PDE4D: variants seen among roughly 807,000 people sequenced by gnomAD.
PDE4D encodes phosphodiesterase 4D, also known as 3',5'-cyclic-AMP phosphodiesterase 4D.
Under a neutral mutation model 87.4 loss-of-function variants are expected in PDE4D, and 24 were observed. The observed-to-expected ratio is 0.27, with a 90% CI of 0.20 to 0.39. The LOEUF (loss-of-function observed/expected upper bound fraction) is 0.39, where lower values mean the gene tolerates loss of function less well. PDE4D is among the 10% of genes least tolerant of loss of function. PDE4D has a pLI of 1.00. For missense variants in PDE4D, 714 were observed against 1,041.0 expected, an observed-to-expected ratio of 0.69 and a Z score of 4.32; for synonymous variants, 384 against 383.2, an observed-to-expected ratio of 1.00 and a Z score of -0.02.
chr5:59,653,887 G>A (rs1743929415), intron 1 of PDE4D, among the ~76,000 whole-genome samples: 1 of 148,470 alleles, frequency 6.7e-6, no homozygotes, highest in Admixed American at 6.7e-5. Context: ...GAAGGGGAGA[G>A]GAGAAGGGTG....
rs1472636001 is a variant in PDE4D at position 59,396,755 on chromosome 5, A to G, written c.456-180787T>C. Among the ~76,000 whole-genome samples the G allele has an allele frequency of 1.7e-5, 2 of 118,804 alleles. 1 individual carries two copies. The highest frequency in any genetic ancestry group is 6.9e-5 in the African/African-American group (2 of 29,146). The allele number at this position is 118,804 out of a possible 152,430, so 77.9% of individuals were successfully genotyped here. A position where few individuals can be genotyped will look rare whatever the true frequency, so the allele number is the denominator to read the frequency against. ...CACTATTAACTTTAAATGTAAATGG[A>G]CTAAATGCTCCAATTAAAAGACACA... On this transcript the variant is annotated intron_variant, in intron 1 of 14. Transcript: ENST00000340635.
At chr5:59,142,889 C>T (rs1328250067) in intron 5 of PDE4D, among the ~76,000 whole-genome samples, 1 of 152,100 alleles carries the variant, frequency 6.6e-6, no homozygotes, top group Non-Finnish European at 1.5e-5. Context: ...TGCACTCCAG[C>T]CTGGGTGACA....
At chr5:59,079,293 G>T (rs1766251071) in intron 5 of PDE4D, among the ~76,000 whole-genome samples, 1 of 151,982 alleles carries the variant, frequency 6.6e-6, no homozygotes, top group Non-Finnish European at 1.5e-5. Context: ...GACATTAAGA[G>T]AAAAATCTCA....
intron 1 of PDE4D, among the ~76,000 whole-genome samples, chr5:59,829,798 T>A (rs1740906088): frequency 6.6e-6 from 1 of 152,044 alleles, no homozygotes; most frequent in Non-Finnish European, 1.5e-5. Flanking sequence ...TATTTGCATT[T>A]CCCATATTAC....
chr5:59,642,250 C>CTA (rs575739385), intron 1 of PDE4D, among the ~76,000 whole-genome samples: 2 of 151,626 alleles, frequency 1.3e-5, no homozygotes, highest in African/African-American at 2.4e-5. Context: ...TCACTTTTTA[C>CTA]TATATATATA....
chr5:59,342,261 A>G (rs1435410301), intron 1 of PDE4D, among the ~76,000 whole-genome samples: 1 of 152,118 alleles, frequency 6.6e-6, no homozygotes, highest in Admixed American at 6.5e-5. Flanking sequence ...ATAACCTCTC[A>G]TTTTATTTTC....
At position 58,976,591 on chromosome 5, in the gene PDE4D, G is replaced by GA; in HGVS notation, c.1708-120dup. On this transcript the variant is annotated intron_variant, in intron 12 of 14. Coordinates refer to ENST00000340635, the MANE Select transcript of PDE4D (RefSeq NM_001104631.2). ...AACACTATGCCTTTTAATGACAGTG[G>GA]AAAATCCTTACTACTCCTTGGGGGC... 3 of 804,792 alleles carry GA rather than the reference G, an allele frequency of 3.7e-6. No homozygotes were observed. In the South Asian group the frequency reaches 6.1e-5, roughly 16 times the overall value. The allele number at this position is 804,792 out of a possible 1,614,324, so 49.9% of individuals were successfully genotyped here. A position where few individuals can be genotyped will look rare whatever the true frequency, so the allele number is the denominator to read the frequency against.
intron 1 of PDE4D, among the ~76,000 whole-genome samples, chr5:59,688,154 G>A (rs1346868265): frequency 6.6e-6 from 1 of 152,178 alleles, no homozygotes; most frequent in East Asian, 1.9e-4. Flanking sequence ...ACATCGGATA[G>A]ATCAACGAGA....
intron 2 of PDE4D, among the ~76,000 whole-genome samples, chr5:60,095,710 A>G (rs760770137): frequency 3.9e-5 from 6 of 152,194 alleles, no homozygotes; most frequent in Non-Finnish European, 8.8e-5. Flanking sequence ...TCCCACCAAC[A>G]GTGTAAAAGC....
Position 59,617,425 on chromosome 5 carries a change from C to T in PDE4D, c.455+275743G>A, listed in dbSNP as rs138063862. On this transcript the variant is annotated intron_variant, in intron 1 of 14. Coordinates refer to ENST00000340635, the MANE Select transcript of PDE4D (RefSeq NM_001104631.2). The stretch of plus-strand genomic sequence containing the variant: ...TAAACCCAAGTCCAACACTTTATTG[C>T]GTCTCCCCCAGAAATCATGTGTTGA... 2.4e-3 allele frequency among the ~76,000 whole-genome samples: 367 copies of T among 152,264 alleles called. 1 individual carries two copies. Among genetic ancestry groups the T allele is most frequent in the African/African-American group, 8.6e-3 (359 of 41,554 alleles).
chr5:59,365,059 G>A (rs1314185168), intron 1 of PDE4D, among the ~76,000 whole-genome samples: 1 of 152,118 alleles, frequency 6.6e-6, no homozygotes, highest in Non-Finnish European at 1.5e-5. Context: ...ATTTGACTGG[G>A]CTTAGGTTTA....
intron 1 of PDE4D, among the ~76,000 whole-genome samples, chr5:60,309,300 C>T (rs968727608): frequency 6.6e-6 from 1 of 152,026 alleles, no homozygotes; most frequent in Non-Finnish European, 1.5e-5. Flanking sequence ...AATTCTGTTT[C>T]CTACAACTTC....
intron 3 of PDE4D, among the ~76,000 whole-genome samples, chr5:59,982,952 A>G (rs1762075104): frequency 6.6e-6 from 1 of 152,246 alleles, no homozygotes; most frequent in Admixed American, 6.5e-5. Flanking sequence ...CAATATGTGA[A>G]AAATGGGGAT....
intron 1 of PDE4D, among the ~76,000 whole-genome samples, chr5:59,366,030 CT>C (rs934292492): frequency 3.3e-5 from 5 of 152,208 alleles, no homozygotes; most frequent in East Asian, 1.9e-4. Flanking sequence ...CAAAAAGAGG[CT>C]TTTTCCCCCC....
At chr5:59,298,651 G>A (rs1769576245) in intron 1 of PDE4D, among the ~76,000 whole-genome samples, 1 of 152,204 alleles carries the variant, frequency 6.6e-6, no homozygotes, top group South Asian at 2.1e-4. Context: ...AGCTCCAGAA[G>A]TGGTAATTGA....
rs1581590013 is a variant in PDE4D at position 59,885,102 on chromosome 5, T to G, written c.455+8066A>C. Among the ~76,000 whole-genome samples, 4 of 152,160 alleles carry G rather than the reference T, an allele frequency of 2.6e-5. 1 individual carries two copies. The highest frequency in any genetic ancestry group is 9.6e-5 in the African/African-American group (4 of 41,566). On this transcript the variant is annotated intron_variant, in intron 1 of 14. Transcript: ENST00000340635. ...AAATAATTTATCCTTTTCTCACTGATTTGGACTGCTACCTTTACTAAACCC... is the reference window on the plus strand; with the variant it reads ...AAATAATTTATCCTTTTCTCACTGAGTTGGACTGCTACCTTTACTAAACCC...
chr5:59,475,276 C>G (rs539289874), intron 1 of PDE4D, among the ~76,000 whole-genome samples: 2 of 152,160 alleles, frequency 1.3e-5, no homozygotes, highest in South Asian at 4.1e-4. Context: ...TTATGTGTAC[C>G]TAGGTACACC....
chr5:59,530,362 C>T (rs1438414102), intron 1 of PDE4D, among the ~76,000 whole-genome samples: 1 of 151,994 alleles, frequency 6.6e-6, no homozygotes, highest in Non-Finnish European at 1.5e-5. Context: ...TACAGTGGTC[C>T]CTCAGGATCT....
intron 1 of PDE4D, among the ~76,000 whole-genome samples, chr5:59,885,886 T>G (rs1750073680): frequency 6.6e-6 from 1 of 152,196 alleles, no homozygotes; most frequent in Non-Finnish European, 1.5e-5. Flanking sequence ...ATAAAAAAGA[T>G]CACTAGACCT....
Sources: gnomAD v4.1 joint callset for allele counts (sites outside exome capture counted in the v4.1 genomes callset) on GRCh38, gnomAD v4.1.1 for gene constraint, MANE v1.5 for transcripts, NCBI Gene and HGNC (gene_info 2026-07-23, HGNC 2026-07-21) for gene names.